The following ST6GALNAC3 variants were observed in gnomAD, a reference collection of about 807,000 sequenced individuals.
ST6GALNAC3 encodes the protein ST6 N-acetylgalactosaminide alpha-2,6-sialyltransferase 3, also known as alpha-N-acetylgalactosaminide alpha-2,6-sialyltransferase 3.
Under a neutral mutation model 32.7 loss-of-function variants are expected in ST6GALNAC3, and 25 were observed. The observed-to-expected ratio is 0.76, with a 90% CI of 0.56 to 1.07. The LOEUF (loss-of-function observed/expected upper bound fraction) is 1.07, where lower values mean the gene tolerates loss of function less well. Ranked by LOEUF, ST6GALNAC3 falls within the 50% of genes least tolerant of loss-of-function variation. ST6GALNAC3 has a pLI of 0.00. For synonymous variants in ST6GALNAC3, 129 were observed against 133.1 expected, an observed-to-expected ratio of 0.97 and a Z score of 0.21; for missense variants, 355 against 382.4, an observed-to-expected ratio of 0.93 and a Z score of 0.60.
chr1:76,148,435 C>T (rs1650831193), intron 1 of ST6GALNAC3, among the ~76,000 whole-genome samples: 1 of 152,168 alleles, frequency 6.6e-6, no homozygotes, highest in Admixed American at 6.5e-5. Flanking sequence ...TACATTTCCC[C>T]TCTTGGGCAA....
intron 2 of ST6GALNAC3, among the ~76,000 whole-genome samples, chr1:76,365,898 C>T (rs1252064950): frequency 1.3e-5 from 2 of 152,152 alleles, no homozygotes; most frequent in Non-Finnish European, 2.9e-5. Flanking sequence ...CACTTTCACT[C>T]ACTCTTCTGT....
intron 1 of ST6GALNAC3, among the ~76,000 whole-genome samples, chr1:76,291,101 G>T (rs965198499): frequency 4.6e-5 from 7 of 152,220 alleles, no homozygotes; most frequent in Admixed American, 2.0e-4. Context: ...GAAAGGAGGA[G>T]ATGGATGTTC....
rs180889960 is a variant in ST6GALNAC3, at chr1:76,230,685, A to G, written c.19-83120A>G. 4.7e-4 allele frequency among the ~76,000 whole-genome samples: 72 copies of G among 152,332 alleles called. 1 individual carries two copies. Among genetic ancestry groups the G allele is most frequent in the African/African-American group, 1.7e-3 (71 of 41,590 alleles). Reference sequence around the variant, plus strand: ...TTATTTAAGACTTTAGTTGTGAAATATAGACTCCTGTTAGTAACTGATGCC... The same window carrying G: ...TTATTTAAGACTTTAGTTGTGAAATGTAGACTCCTGTTAGTAACTGATGCC... On this transcript the variant is annotated intron_variant, in intron 1 of 4. Transcript: ENST00000328299.
intron 3 of ST6GALNAC3, among the ~76,000 whole-genome samples, chr1:76,438,095 G>A (rs1656285154): frequency 6.6e-6 from 1 of 150,906 alleles, no homozygotes; most frequent in African/African-American, 2.4e-5. Flanking sequence ...TCTCTAAGAT[G>A]ATCGATCTTC....
intron 1 of ST6GALNAC3, among the ~76,000 whole-genome samples, chr1:76,293,799 G>A (rs1480938287): frequency 2.0e-5 from 3 of 152,050 alleles, no homozygotes; most frequent in Non-Finnish European, 2.9e-5. Context: ...TAAATATAAA[G>A]CTTTAAAACA....
chr1:76,363,084 C>A (rs1426845284), intron 2 of ST6GALNAC3, among the ~76,000 whole-genome samples: 1 of 152,228 alleles, frequency 6.6e-6, no homozygotes, highest in Non-Finnish European at 1.5e-5. Context: ...CCAGGCTTTT[C>A]TTTTCTACCA....
At chr1:76,091,097 G>T (rs1224430866) in intron 1 of ST6GALNAC3, among the ~76,000 whole-genome samples, 1 of 152,186 alleles carries the variant, frequency 6.6e-6, no homozygotes, top group African/African-American at 2.4e-5. Context: ...TAAGGCACAT[G>T]TTCTCTGAAA....
At chr1:76,272,951 C>T (rs1658934405) in intron 1 of ST6GALNAC3, among the ~76,000 whole-genome samples, 1 of 152,146 alleles carries the variant, frequency 6.6e-6, no homozygotes, top group Non-Finnish European at 1.5e-5. Flanking sequence ...TGTAACATAA[C>T]AGGGGTACTT....
chr1:76,370,011 A>T (rs1014680181), intron 2 of ST6GALNAC3, among the ~76,000 whole-genome samples: 11 of 152,188 alleles, frequency 7.2e-5, no homozygotes, highest in African/African-American at 2.7e-4. Context: ...AGCCACAAAT[A>T]AATGTTTTTC....
chr1:76,310,037 C>T, intron 1 of ST6GALNAC3: 1 of 478,112 alleles, frequency 2.1e-6, no homozygotes, highest in South Asian at 1.5e-5. Context: ...ACATCTTTGT[C>T]CCCAAACCCC....
chr1:76,605,861 T>TAAAAAAAAAAAAA (rs1159864958), intron 3 of ST6GALNAC3, among the ~76,000 whole-genome samples: 2 of 58,920 alleles, frequency 3.4e-5, no homozygotes, highest in African/African-American at 1.5e-4. Context: ...GGAGACTCCA[T>TAAAAAAAAAAAAA]AAAAAAAAAA....
At chr1:76,215,786 A>G (rs79334007) in intron 1 of ST6GALNAC3, among the ~76,000 whole-genome samples, 1,673 of 152,262 alleles carry the variant, frequency 0.011, 31 homozygotes, top group East Asian at 0.047. Flanking sequence ...GGTCTATTTT[A>G]GGAAGCTGGG....
intron 2 of ST6GALNAC3, among the ~76,000 whole-genome samples, chr1:76,390,829 G>A (rs1220366712): frequency 1.3e-5 from 2 of 151,116 alleles, no homozygotes; most frequent in East Asian, 3.9e-4. Flanking sequence ...AAATGTTTTA[G>A]GTTTTTACAT....
At chr1:76,429,914 T>A (rs1038602933) in intron 3 of ST6GALNAC3, among the ~76,000 whole-genome samples, 1 of 152,182 alleles carries the variant, frequency 6.6e-6, no homozygotes, top group African/African-American at 2.4e-5. Context: ...TCAGTACAAA[T>A]GAAACATTCT....
chr1:76,337,305 T>C (rs1647571161), intron 2 of ST6GALNAC3, among the ~76,000 whole-genome samples: 1 of 152,188 alleles, frequency 6.6e-6, no homozygotes, highest in African/African-American at 2.4e-5. Context: ...TAGAGCCTGC[T>C]GGCCCAGAGG....
At chr1:76,341,116 G>A (rs764498033) in intron 2 of ST6GALNAC3, among the ~76,000 whole-genome samples, 8 of 151,432 alleles carry the variant, frequency 5.3e-5, no homozygotes, top group East Asian at 2.0e-4. Flanking sequence ...TGCGCGATAC[G>A]GAGATTTGGG....
intron 2 of ST6GALNAC3, among the ~76,000 whole-genome samples, chr1:76,378,606 G>A (rs1037124518): frequency 1.3e-5 from 2 of 151,806 alleles, no homozygotes; most frequent in South Asian, 2.1e-4. Flanking sequence ...AGGTTGCAGT[G>A]AGTGGAGATC....
At chr1:76,155,372 A>G (rs762116065) in intron 1 of ST6GALNAC3, among the ~76,000 whole-genome samples, 31 of 152,328 alleles carry the variant, frequency 2.0e-4, no homozygotes, top group Admixed American at 1.2e-3. Flanking sequence ...GGCATGGGTA[A>G]TTTTTGGTTG....
chr1:76,208,046 C>CG (rs1553165414), intron 1 of ST6GALNAC3, among the ~76,000 whole-genome samples: 2 of 54,444 alleles, frequency 3.7e-5, no homozygotes, highest in East Asian at 2.5e-3. Context: ...AGAGTGCCCC[C>CG]CCCCCCAAAA....
Sources: gnomAD v4.1 joint callset for allele counts (sites outside exome capture counted in the v4.1 genomes callset) on GRCh38, gnomAD v4.1.1 for gene constraint, MANE v1.5 for transcripts, NCBI Gene and HGNC (gene_info 2026-07-23, HGNC 2026-07-21) for gene names.